Variants in SLC5A11 observed in about 807,000 individuals in gnomAD.
SLC5A11 encodes the protein solute carrier family 5 member 11, also known as sodium/myo-inositol cotransporter 2.
A neutral mutation model predicts 69.8 loss-of-function variants in SLC5A11; 48 were observed. That is an observed-to-expected ratio of 0.69 (90% CI 0.55 to 0.87). The LOEUF (loss-of-function observed/expected upper bound fraction) is 0.87. Among genes scored for constraint, SLC5A11 ranks in the 40% least tolerant of loss-of-function variants. The pLI is 0.00. For missense variants in SLC5A11, 784 were observed against 866.1 expected (o/e 0.91, Z 1.19); for synonymous variants, 319 against 342.4 (o/e 0.93, Z 0.75).
chr16:24,896,693 GGTGAA>G (rs1454957356), intron 9 of SLC5A11, among the ~76,000 whole-genome samples: 2 of 152,174 alleles, frequency 1.3e-5, no homozygotes, highest in African/African-American at 4.8e-5. Flanking sequence ...GGCCAAGAGA[GGTGAA>G]GTTGCTTGCC....
chr16:24,908,074 G>A, exon 13 of SLC5A11: 1 of 1,609,736 alleles, frequency 6.2e-7, no homozygotes, highest in Non-Finnish European at 8.5e-7. Flanking sequence ...CCTACCTGCA[G>A]CCGCCTGTGG....
chr16:24,862,702 C>CT, intron 3 of SLC5A11, 30 bp downstream of exon 4: 1 of 1,593,206 alleles, frequency 6.3e-7, no homozygotes, highest in Non-Finnish European at 8.6e-7. Context: ...ATTAAAGTCA[C>CT]TTCTTAAAGA....
intron 13 of SLC5A11, among the ~76,000 whole-genome samples, chr16:24,908,355 T>C (rs1422350595): frequency 6.6e-6 from 1 of 152,018 alleles, no homozygotes; most frequent in Non-Finnish European, 1.5e-5. Flanking sequence ...TCCCAGCACT[T>C]TGGGAGGCCG....
chr16:24,860,152 T>C (rs2059701967), intron 2 of SLC5A11, among the ~76,000 whole-genome samples: 1 of 152,146 alleles, frequency 6.6e-6, no homozygotes, highest in African/African-American at 2.4e-5. Flanking sequence ...CCAGGTGTGG[T>C]GGCGGGTGCC....
exon 10 of SLC5A11, chr16:24,897,987 G>A (rs375643511): frequency 3.6e-5 from 58 of 1,614,002 alleles, no homozygotes; most frequent in African/African-American, 2.8e-4. Flanking sequence ...ATTGTCCAGC[G>A]GACTCTGGCT....
At chr16:24,902,926 A>G (rs1431385604) in intron 10 of SLC5A11, among the ~76,000 whole-genome samples, 2 of 152,254 alleles carry the variant, frequency 1.3e-5, no homozygotes, top group Non-Finnish European at 2.9e-5. Flanking sequence ...CTCATGGAAA[A>G]ATAACATAAA....
At chr16:24,886,312 C>T (rs1344855750) in intron 8 of SLC5A11, among the ~76,000 whole-genome samples, 1 of 152,020 alleles carries the variant, frequency 6.6e-6, no homozygotes, top group African/African-American at 2.4e-5. Flanking sequence ...GGATTATAGG[C>T]ATGAGCCACC....
chr16:24,889,649 GA>G (rs1232280413), intron 8 of SLC5A11, among the ~76,000 whole-genome samples: 6 of 144,426 alleles, frequency 4.2e-5, no homozygotes, highest in Non-Finnish European at 6.0e-5. Flanking sequence ...ACCTCCAGGA[GA>G]CGTTCTCCTG....
chr16:24,905,585 G>C (rs899155735), intron 10 of SLC5A11, among the ~76,000 whole-genome samples: 6 of 151,720 alleles, frequency 4.0e-5, no homozygotes, highest in Non-Finnish European at 8.8e-5. Context: ...TGGCACCACT[G>C]AACTCCAGCC....
chr16:24,904,710 G>A (rs1390752822), intron 10 of SLC5A11, among the ~76,000 whole-genome samples: 3 of 152,128 alleles, frequency 2.0e-5, no homozygotes, highest in Admixed American at 2.0e-4. Context: ...TTCTGATCCT[G>A]AGTTCTTGTG....
intron 1 of SLC5A11, among the ~76,000 whole-genome samples, chr16:24,847,552 C>T (rs1193101932): frequency 6.6e-6 from 1 of 152,054 alleles, no homozygotes; most frequent in African/African-American, 2.4e-5. Context: ...AATGGGGTCT[C>T]CCTGTGTTGC....
intron 8 of SLC5A11, among the ~76,000 whole-genome samples, chr16:24,887,429 T>G (rs1450980909): frequency 6.6e-6 from 1 of 152,152 alleles, no homozygotes; most frequent in Non-Finnish European, 1.5e-5. Flanking sequence ...TTGGGAGAGA[T>G]AGTATGCTAG....
chr16:24,892,750 G>A (rs533884008), intron 9 of SLC5A11, among the ~76,000 whole-genome samples: 1 of 152,264 alleles, frequency 6.6e-6, no homozygotes, highest in South Asian at 2.1e-4. Context: ...CAATAATCAT[G>A]GCATTGGACA....
intron 8 of SLC5A11, among the ~76,000 whole-genome samples, chr16:24,885,896 GA>G (rs1174515792): frequency 4.0e-5 from 6 of 151,864 alleles, no homozygotes; most frequent in African/African-American, 1.5e-4. Context: ...GGATAAAAAG[GA>G]AAAAGATTAC....
chr16:24,854,773 G>A (rs2059455622), intron 1 of SLC5A11, among the ~76,000 whole-genome samples: 1 of 151,974 alleles, frequency 6.6e-6, no homozygotes, highest in South Asian at 2.1e-4. Flanking sequence ...CTTACCTAAT[G>A]GGGCTTCACC....
Position 24,853,469 on chromosome 16 carries a change from G to A in SLC5A11, c.-24-5151G>A, listed in dbSNP as rs1450301071. Among the ~76,000 whole-genome samples the A allele has an allele frequency of 3.3e-5, 5 of 152,230 alleles. No homozygotes were observed. In the East Asian group the frequency reaches 5.8e-4, roughly 18 times the overall value. On this transcript the variant is annotated intron_variant, in intron 1 of 15. Transcript: ENST00000347898. ...CTGGCGTGGAGCCTGGCACACAGCTGGTGACTAATAAATGTTCCACTAAGT... is the reference window on the plus strand; with the variant it reads ...CTGGCGTGGAGCCTGGCACACAGCTAGTGACTAATAAATGTTCCACTAAGT...
intron 10 of SLC5A11, among the ~76,000 whole-genome samples, chr16:24,905,633 C>CGT (rs1949889943): frequency 7.8e-5 from 6 of 76,948 alleles, no homozygotes; most frequent in Non-Finnish European, 1.6e-4. Flanking sequence ...AAAACACGCG[C>CGT]GCGCGCGCAC....
intron 3 of SLC5A11, among the ~76,000 whole-genome samples, chr16:24,863,474 T>A (rs2046729190): frequency 1.3e-5 from 2 of 152,190 alleles, no homozygotes; most frequent in Non-Finnish European, 2.9e-5. Flanking sequence ...TACTAGGCTG[T>A]TAAGGTCTTG....
intron 8 of SLC5A11, among the ~76,000 whole-genome samples, chr16:24,887,540 CAT>C (rs2048472875): frequency 2.0e-5 from 3 of 152,010 alleles, no homozygotes; most frequent in African/African-American, 2.4e-5. Flanking sequence ...AATATGTGTG[CAT>C]ATAAGTTTTT....
Sources: allele counts gnomAD v4.1 joint callset (sites outside exome capture counted in the v4.1 genomes callset), GRCh38; gene constraint gnomAD v4.1.1; transcripts MANE v1.5; gene names NCBI Gene and HGNC (gene_info 2026-07-23, HGNC 2026-07-21).